Variants in FTO observed in about 807,000 individuals in gnomAD.
FTO encodes alpha-ketoglutarate-dependent dioxygenase FTO.
Under a neutral mutation model 63.9 loss-of-function variants are expected in FTO, and 47 were observed. That is an observed-to-expected ratio of 0.74 (90% confidence interval 0.58 to 0.94). The LOEUF (loss-of-function observed/expected upper bound fraction) is 0.94. FTO is among the 40% of genes least tolerant of loss of function. The pLI is 0.00. For synonymous variants in FTO, 207 were observed against 224.4 expected (o/e 0.92, Z 0.69); for missense variants, 562 against 618.1 (o/e 0.91, Z 0.96).
chr16:54,102,600 A>G (rs904609899), intron 8 of FTO, among the ~76,000 whole-genome samples: 8 of 152,150 alleles, frequency 5.3e-5, no homozygotes, highest in African/African-American at 1.9e-4. Context: ...AGTATTATTA[A>G]TATTATATTT....
intron 4 of FTO, among the ~76,000 whole-genome samples, chr16:53,866,389 G>A (rs1023896448): frequency 5.3e-5 from 8 of 152,076 alleles, no homozygotes; most frequent in African/African-American, 1.2e-4. Flanking sequence ...AATGCTGGCC[G>A]CAAAGAATGA....
intron 3 of FTO, among the ~76,000 whole-genome samples, chr16:53,841,986 C>T (rs1302779406): frequency 1.3e-5 from 2 of 152,196 alleles, no homozygotes; most frequent in East Asian, 3.8e-4. Flanking sequence ...GCAGCAATGC[C>T]ATGCTTTCTT....
chr16:53,739,008 A>G lies in FTO; in HGVS notation c.45+34779A>G, dbSNP rs530387206. 6.2e-4 allele frequency among the ~76,000 whole-genome samples: 94 copies of G among 152,010 alleles called. 1 individual carries two copies. In the South Asian group the frequency reaches 7.9e-3, roughly 13 times the overall value. On this transcript the variant is annotated intron_variant, in intron 1 of 8. Coordinates refer to ENST00000471389, the MANE Select transcript of FTO (RefSeq NM_001080432.3). ...GGTGTGCTTTTAAAAAATTTTTTGT[A>G]GAGATAGGGTCTCCCCATATGTTGC...
intron 8 of FTO, among the ~76,000 whole-genome samples, chr16:53,970,779 A>G (rs1339896737): frequency 3.3e-5 from 5 of 152,090 alleles, no homozygotes; most frequent in African/African-American, 7.2e-5. Context: ...CCAGTGTGAC[A>G]CTTTTTGAGT....
At position 53,873,804 on chromosome 16, in the gene FTO, A is replaced by T; in HGVS notation, c.914A>T (p.His305Leu). Residue 305 changes from histidine (H) to leucine (L), a missense_variant, in exon 5 of 9, where the codon CAC (histidine) becomes CTC (leucine). Transcript: ENST00000471389. ...CCTGTAGATGATCTCAATGCCACCCACCAACACTGTGTTTTGGCCGGTTCA... is the reference window on the plus strand; with the variant it reads ...CCTGTAGATGATCTCAATGCCACCCTCCAACACTGTGTTTTGGCCGGTTCA... ...YFMLDDLNATHQHCVLAGSQP... is the reference protein window; with the variant it reads ...YFMLDDLNATLQHCVLAGSQP... 1.2e-6 allele frequency: 2 copies of T among 1,613,082 alleles called. No individual in the cohort carries two copies. The highest frequency in any genetic ancestry group is 2.2e-5 in the South Asian group (2 of 91,064).
chr16:53,868,728 A>G (rs1311337036), intron 4 of FTO, among the ~76,000 whole-genome samples: 2 of 152,080 alleles, frequency 1.3e-5, no homozygotes, highest in Admixed American at 1.3e-4. Context: ...TTTCTGATCT[A>G]TATCATTTTT....
intron 6 of FTO, among the ~76,000 whole-genome samples, chr16:53,888,439 C>CAAAATAAAAATAAA (rs2081064265): frequency 2.0e-4 from 13 of 63,624 alleles, no homozygotes; most frequent in African/African-American, 4.9e-4. Context: ...TTATTAGTAG[C>CAAAATAAAAATAAA]TTGGCCAATT....
intron 8 of FTO, among the ~76,000 whole-genome samples, chr16:54,007,743 G>A (rs756764984): frequency 1.3e-5 from 2 of 152,194 alleles, no homozygotes; most frequent in Non-Finnish European, 2.9e-5. Context: ...GGGAATGCTG[G>A]TCCTGTGTCG....
chr16:54,028,435 CT>C (rs1381493413), intron 8 of FTO, among the ~76,000 whole-genome samples: 1 of 152,146 alleles, frequency 6.6e-6, no homozygotes, highest in Non-Finnish European at 1.5e-5. Context: ...CAAGGTGTTC[CT>C]TTTGGTCATT....
rs2081343051 is a variant in FTO, at chr16:53,899,137, G to A, written c.1239+10186G>A. 2.0e-5 allele frequency among the ~76,000 whole-genome samples: 3 copies of A among 151,950 alleles called. No homozygotes were observed. In the South Asian group the frequency reaches 6.2e-4, roughly 32 times the overall value. On this transcript the variant is annotated intron_variant, in intron 7 of 8. Coordinates refer to ENST00000471389, the MANE Select transcript of FTO (RefSeq NM_001080432.3). ...TTTTTAAAAACAAAATAATACTGAG[G>A]GCACAGAGGACAGTCTTGTTTTATG...
intron 8 of FTO, among the ~76,000 whole-genome samples, chr16:54,031,658 T>C (rs568175549): frequency 6.6e-6 from 1 of 152,250 alleles, no homozygotes; most frequent in African/African-American, 2.4e-5. Flanking sequence ...GATACTGATG[T>C]TTTCTATGAA....
chr16:53,828,984 G>C (rs549072613), intron 3 of FTO, among the ~76,000 whole-genome samples: 91 of 152,236 alleles, frequency 6.0e-4, no homozygotes, highest in African/African-American at 2.1e-3. Flanking sequence ...TCCGCCTCCT[G>C]GGTTCAAGTG....
chr16:53,805,442 G>A (rs62033418), intron 1 of FTO, among the ~76,000 whole-genome samples: 1 of 120,498 alleles, frequency 8.3e-6, no homozygotes, highest in Admixed American at 8.8e-5. Context: ...TTTGAGTTGT[G>A]GTTTTTTTTT....
chr16:53,851,979 A>G (rs1444772498), intron 4 of FTO, among the ~76,000 whole-genome samples: 1 of 151,852 alleles, frequency 6.6e-6, no homozygotes, highest in East Asian at 1.9e-4. Context: ...TATTTCTTTA[A>G]TAACTTTAAG....
At chr16:53,728,070 C>A (rs2076191462) in intron 1 of FTO, among the ~76,000 whole-genome samples, 1 of 152,008 alleles carries the variant, frequency 6.6e-6, no homozygotes, top group Admixed American at 6.6e-5. Context: ...GAGACCCTGT[C>A]TCTACATGAA....
At chr16:53,807,409 G>T (rs1030562854) in intron 1 of FTO, among the ~76,000 whole-genome samples, 1 of 152,142 alleles carries the variant, frequency 6.6e-6, no homozygotes, top group East Asian at 1.9e-4. Context: ...GCTCAGTTCC[G>T]AAATGAACTG....
chr16:54,074,753 C>T (rs1489877664), intron 8 of FTO, among the ~76,000 whole-genome samples: 2 of 151,884 alleles, frequency 1.3e-5, no homozygotes, highest in East Asian at 1.9e-4. Context: ...ATTGAATTAC[C>T]GAGCCAAGGA....
At chr16:53,919,261 G>A (rs1034650742) in intron 7 of FTO, among the ~76,000 whole-genome samples, 5 of 152,080 alleles carry the variant, frequency 3.3e-5, no homozygotes, top group Non-Finnish European at 5.9e-5. Flanking sequence ...CATATAGAAA[G>A]CACCCAATAA....
At chr16:54,100,876 G>T (rs2086625981) in intron 8 of FTO, among the ~76,000 whole-genome samples, 1 of 152,256 alleles carries the variant, frequency 6.6e-6, no homozygotes, top group African/African-American at 2.4e-5. Flanking sequence ...AGGTGCCCTG[G>T]TGGATCCCGC....
Sources: gnomAD v4.1 joint callset for allele counts (sites outside exome capture counted in the v4.1 genomes callset) on GRCh38, gnomAD v4.1.1 for gene constraint, MANE v1.5 for transcripts, NCBI Gene and HGNC (gene_info 2026-07-23, HGNC 2026-07-21) for gene names.